The following CTNND2 variants were observed in gnomAD, a reference collection of about 807,000 sequenced individuals.
CTNND2 encodes the protein catenin delta-2.
In CTNND2, 22 loss-of-function variants were observed where a neutral mutation model predicts 144.4. The ratio of observed to expected loss-of-function variants is 0.15; its 90% CI spans 0.11 to 0.22. The LOEUF is 0.22. Ranked by LOEUF, CTNND2 falls within the 10% of genes least tolerant of loss-of-function variation. The pLI is 1.00. For synonymous variants in CTNND2, 751 were observed against 695.6 expected, an observed-to-expected ratio of 1.08 and a Z score of -1.25; for missense variants, 1,353 against 1,618.8, an observed-to-expected ratio of 0.84 and a Z score of 2.82.
At chr5:11,514,507 C>T (rs13185817) in intron 3 of CTNND2, among the ~76,000 whole-genome samples, 15,526 of 152,118 alleles carry the variant, frequency 0.1, 888 homozygotes, top group African/African-American at 0.15. Flanking sequence ...ATTTTCTGTA[C>T]GTATAATTGC....
intron 11 of CTNND2, among the ~76,000 whole-genome samples, chr5:11,183,089 T>G (rs1241782673): frequency 6.6e-6 from 1 of 152,216 alleles, no homozygotes; most frequent in African/African-American, 2.4e-5. Flanking sequence ...TTCATTAGAT[T>G]CAAATTATAA....
chr5:11,095,049 A>T (rs950603420), intron 15 of CTNND2, among the ~76,000 whole-genome samples: 2 of 152,222 alleles, frequency 1.3e-5, no homozygotes, highest in African/African-American at 4.8e-5. Flanking sequence ...TAATTATCAT[A>T]CTTCTTCCAT....
At chr5:11,160,159 T>A (rs1481781337) in intron 11 of CTNND2, among the ~76,000 whole-genome samples, 1 of 152,212 alleles carries the variant, frequency 6.6e-6, no homozygotes, top group Non-Finnish European at 1.5e-5. Flanking sequence ...ACCCAAGACC[T>A]CAGTGTGCAC....
rs1424819311 is a variant in CTNND2, at chr5:11,026,085, G to A, written c.2789-3106C>T. 2.0e-5 allele frequency among the ~76,000 whole-genome samples: 3 copies of A among 152,092 alleles called. No individual in the cohort carries two copies. The East Asian group carries it at 5.8e-4, about 29-fold the overall frequency. ...GGAGGTAGGGTTCTTTTAGGACTGG[G>A]GAAGAAAGAGGCTGGATCACCAGGT... is the stretch of plus-strand genomic sequence containing the variant. On this transcript the variant is annotated intron_variant, in intron 16 of 21. Coordinates refer to ENST00000304623, the MANE Select transcript of CTNND2 (RefSeq NM_001332.4).
chr5:11,785,007 A>G (rs1462427358), intron 1 of CTNND2, among the ~76,000 whole-genome samples: 1 of 152,214 alleles, frequency 6.6e-6, no homozygotes, highest in Admixed American at 6.5e-5. Context: ...GATAATTTGC[A>G]CCAGTTTTCT....
intron 16 of CTNND2, among the ~76,000 whole-genome samples, chr5:11,048,314 T>C (rs1038589816): frequency 1.3e-5 from 2 of 152,216 alleles, no homozygotes; most frequent in African/African-American, 4.8e-5. Context: ...GACTGAAGCA[T>C]AAGCTATTCC....
intron 12 of CTNND2, among the ~76,000 whole-genome samples, chr5:11,144,964 T>A (rs2158445): frequency 0.54 from 81,486 of 151,780 alleles, 23,485 homozygotes; most frequent in East Asian, 0.73. Context: ...ACAGTGGTCT[T>A]GAGCCAGCAG....
intron 11 of CTNND2, among the ~76,000 whole-genome samples, chr5:11,191,062 A>G (rs976277275): frequency 6.6e-6 from 1 of 152,164 alleles, no homozygotes; most frequent in African/African-American, 2.4e-5. Context: ...ATCCCATCCC[A>G]GCAGTAAAAA....
chr5:11,387,700 C>T (rs1173630904), intron 6 of CTNND2, among the ~76,000 whole-genome samples: 1 of 152,018 alleles, frequency 6.6e-6, no homozygotes, highest in East Asian at 1.9e-4. Context: ...CTGTTTACAA[C>T]AAAACAAAAA....
chr5:11,412,819 T>C (rs1200852168), intron 3 of CTNND2, among the ~76,000 whole-genome samples: 2 of 152,200 alleles, frequency 1.3e-5, no homozygotes, highest in African/African-American at 2.4e-5. Flanking sequence ...GTGAGAAATC[T>C]ACATGCTAAT....
chr5:11,102,220 A>T (rs1246881251), intron 14 of CTNND2, among the ~76,000 whole-genome samples: 3 of 152,204 alleles, frequency 2.0e-5, no homozygotes, highest in Non-Finnish European at 2.9e-5. Context: ...AGTCTTACAG[A>T]TATTACTTCA....
rs140838231 is a variant in CTNND2 at position 11,091,363 on chromosome 5, T to C, written c.2637+7212A>G. Reference sequence around the variant, plus strand: ...TTGAGTCTTTTATACATTTTCCATGTGTAACTTTTAAAATGTTTTGAACAC... The same window carrying C: ...TTGAGTCTTTTATACATTTTCCATGCGTAACTTTTAAAATGTTTTGAACAC... On this transcript the variant is annotated intron_variant, in intron 15 of 21. Transcript: ENST00000304623. 3.9e-3 allele frequency among the ~76,000 whole-genome samples: 592 copies of C among 152,348 alleles called. 4 individuals carry two copies. The highest frequency in any genetic ancestry group is 0.012 in the African/African-American group (497 of 41,572).
intron 11 of CTNND2, 82 bp from the exon 12 acceptor site, chr5:11,159,841 C>T (rs144113582): frequency 5.0e-5 from 57 of 1,138,042 alleles, no homozygotes; most frequent in Non-Finnish European, 6.4e-5. Context: ...TTTGAGTTAA[C>T]GGAACTGGCA....
At chr5:11,419,456 T>C (rs1484436602) in intron 3 of CTNND2, among the ~76,000 whole-genome samples, 1 of 152,206 alleles carries the variant, frequency 6.6e-6, no homozygotes, top group Admixed American at 6.5e-5. Flanking sequence ...TAATTACAAA[T>C]AATAGTGGCA....
chr5:11,865,916 C>G (rs6880186), intron 1 of CTNND2, among the ~76,000 whole-genome samples: 2 of 65,800 alleles, frequency 3.0e-5, no homozygotes, highest in Non-Finnish European at 7.4e-5. Flanking sequence ...AAAAAAAAAA[C>G]GAGTTCTCCT....
chr5:11,168,017 T>G (rs1759521970), intron 11 of CTNND2, among the ~76,000 whole-genome samples: 1 of 152,048 alleles, frequency 6.6e-6, no homozygotes, highest in Non-Finnish European at 1.5e-5. Flanking sequence ...TCACCTAAAT[T>G]TTTGATTAGT....
chr5:11,179,401 A>T (rs1311083578), intron 11 of CTNND2, among the ~76,000 whole-genome samples: 1 of 152,216 alleles, frequency 6.6e-6, no homozygotes, highest in African/African-American at 2.4e-5. Flanking sequence ...GTTATCACAG[A>T]AAATATGAAC....
intron 2 of CTNND2, among the ~76,000 whole-genome samples, chr5:11,619,958 T>C (rs537278172): frequency 6.6e-6 from 1 of 152,328 alleles, no homozygotes; most frequent in Non-Finnish European, 1.5e-5. Context: ...ATTAGATATT[T>C]TCAAATATGT....
chr5:11,578,709 T>C (rs1355931513), intron 2 of CTNND2, among the ~76,000 whole-genome samples: 1 of 127,664 alleles, frequency 7.8e-6, no homozygotes, highest in Non-Finnish European at 1.8e-5. Context: ...ATAAATAGAG[T>C]AGTGAACTGG....
Sources: gnomAD v4.1 joint callset for allele counts (sites outside exome capture counted in the v4.1 genomes callset) on GRCh38, gnomAD v4.1.1 for gene constraint, MANE v1.5 for transcripts, NCBI Gene and HGNC (gene_info 2026-07-23, HGNC 2026-07-21) for gene names.